BLTP1: variants seen among roughly 807,000 people sequenced by gnomAD.
BLTP1 encodes the protein fragile site-associated protein.
At chr4:122,184,639 CA>C in the BLTP1 span, 83 of 919,368 alleles carry the variant, frequency 9.0e-5, no homozygotes, top group East Asian at 1.2e-4. Flanking sequence ...GACTCCGTCT[CA>C]AAAAAAAACC....
At chr4:122,249,327 T>G in the BLTP1 span, 1 of 785,690 alleles carries the variant, frequency 1.3e-6, no homozygotes, top group Non-Finnish European at 1.5e-6. Flanking sequence ...GGCAGCATTA[T>G]TCTAAAAGTT....
chr4:122,247,972 T>C, the BLTP1 span: 1 of 985,268 alleles, frequency 1.0e-6, no homozygotes, highest in Non-Finnish European at 1.2e-6. Context: ...AGATGATTGC[T>C]CTGCTGAAAT....
At chr4:122,276,396 T>C in the BLTP1 span, 5 of 931,252 alleles carry the variant, frequency 5.4e-6, no homozygotes, top group African/African-American at 8.9e-5. Flanking sequence ...TAGAAATAAT[T>C]ATTAAAACAC....
At chr4:122,277,453 A>G in the BLTP1 span, 2 of 983,792 alleles carry the variant, frequency 2.0e-6, no homozygotes, top group Middle Eastern at 5.2e-4. Flanking sequence ...TTGTAGTGGT[A>G]GAAGTCATTC....
At chr4:122,301,961 C>T in the BLTP1 span, 1 of 153,084 alleles carries the variant, frequency 6.5e-6, no homozygotes, top group African/African-American at 2.4e-5. Context: ...GTCTCAGTTA[C>T]TTCGGAGGCT....
At chr4:122,349,309 ATGGT>A in the BLTP1 span, 1 of 1,611,092 alleles carries the variant, frequency 6.2e-7, no homozygotes, top group East Asian at 2.2e-5. This position sits in a 1 kb window ranked among gnomAD's most constrained non-coding sequence, Gnocchi z 4.5. Flanking sequence ...TGCTTTGGAG[ATGGT>A]TGGTATGTTG....
At chr4:122,340,886 A>G in the BLTP1 span, 1 of 912,720 alleles carries the variant, frequency 1.1e-6, no homozygotes, top group Non-Finnish European at 1.3e-6. Flanking sequence ...TATCCTAGAT[A>G]ACTAGTGTTG....
the BLTP1 span, chr4:122,181,251 A>G: frequency 1.3e-5 from 13 of 968,136 alleles, no homozygotes; most frequent in Non-Finnish European, 1.6e-5. Context: ...TTTTTTTTTA[A>G]AAGAGCTATA....
the BLTP1 span, among the ~76,000 whole-genome samples, chr4:122,327,611 GATCCACAAAAAGC>G: frequency 6.6e-6 from 1 of 151,266 alleles, no homozygotes; most frequent in African/African-American, 2.4e-5. Context: ...ATTTTTAAAA[GATCCACAAAAAGC>G]ATCCACAAAA....
the BLTP1 span, chr4:122,244,087 A>G: frequency 3.4e-6 from 5 of 1,483,240 alleles, no homozygotes. Flanking sequence ...CTGTGATATG[A>G]TAAGTATATG....
chr4:122,223,567 T>C, the BLTP1 span, among the ~76,000 whole-genome samples: 1 of 152,106 alleles, frequency 6.6e-6, no homozygotes, highest in Non-Finnish European at 1.5e-5. Context: ...ATAAATAATT[T>C]CAAGTGTAAA....
At chr4:122,305,049 T>G in the BLTP1 span, 2 of 1,407,882 alleles carry the variant, frequency 1.4e-6, no homozygotes, top group South Asian at 3.0e-5. Flanking sequence ...TTTTAACTAC[T>G]GTAACTTATG....
chr4:122,185,830 A>G, the BLTP1 span, among the ~76,000 whole-genome samples: 5 of 152,070 alleles, frequency 3.3e-5, no homozygotes, highest in Admixed American at 6.6e-5. Flanking sequence ...TGTTTTTAGA[A>G]TGCTAAATTA....
At chr4:122,197,722 C>T in the BLTP1 span, among the ~76,000 whole-genome samples, 3 of 152,034 alleles carry the variant, frequency 2.0e-5, no homozygotes, top group African/African-American at 4.8e-5. Flanking sequence ...CGGGTGGGTA[C>T]TTTGAGTGGC....
the BLTP1 span, among the ~76,000 whole-genome samples, chr4:122,172,549 A>G: frequency 6.6e-6 from 1 of 152,206 alleles, no homozygotes; most frequent in African/African-American, 2.4e-5. Context: ...ATGCCTTTAT[A>G]CTAAATTCCG....
the BLTP1 span, among the ~76,000 whole-genome samples, chr4:122,253,928 G>A: frequency 2.6e-5 from 4 of 152,160 alleles, no homozygotes; most frequent in African/African-American, 9.7e-5. Flanking sequence ...AACATACGAT[G>A]GAGCTCTGAT....
chr4:122,280,662 T>TAAA, the BLTP1 span, among the ~76,000 whole-genome samples: 4 of 82,988 alleles, frequency 4.8e-5, no homozygotes, highest in Non-Finnish European at 7.6e-5. Context: ...AAATTCCATC[T>TAAA]AAAAAAAAAA....
At chr4:122,228,148 C>T in the BLTP1 span, among the ~76,000 whole-genome samples, 9 of 151,968 alleles carry the variant, frequency 5.9e-5, no homozygotes, top group Non-Finnish European at 1.3e-4. Flanking sequence ...CTCCTGACCT[C>T]GTGATCCGCC....
chr4:122,221,870 G>A, the BLTP1 span: 2 of 983,932 alleles, frequency 2.0e-6, no homozygotes, highest in Middle Eastern at 5.2e-4. Context: ...GGTTTTTTAT[G>A]AGTACCTGGT....
Sources: gnomAD v4.1 joint callset for allele counts (sites outside exome capture counted in the v4.1 genomes callset) on GRCh38, gnomAD v4.1.1 for gene constraint, Gnocchi (gnomAD v3.1) non-coding constraint, MANE v1.5 for transcripts, NCBI Gene and HGNC (gene_info 2026-07-23, HGNC 2026-07-21) for gene names.